Variants in ABI1 observed in about 807,000 individuals in gnomAD.
The protein encoded by ABI1 is abl interactor 1, also known as Abelson interactor 1.
Under a neutral mutation model 54.6 loss-of-function variants are expected in ABI1, and 14 were observed. The observed-to-expected ratio is 0.26, with a 90% CI of 0.17 to 0.40. The LOEUF is 0.40. ABI1 is among the 10% of genes least tolerant of loss of function. The probability of loss-of-function intolerance (pLI) is 1.00; values close to 1 mark genes in which losing one functional copy is unlikely to be tolerated. For missense variants in ABI1, 443 were observed against 598.3 expected (o/e 0.74, Z 2.71); for synonymous variants, 194 against 209.3 (o/e 0.93, Z 0.63).
At chr10:26,801,779 A>T (rs569483031) in intron 2 of ABI1, among the ~76,000 whole-genome samples, 18 of 152,348 alleles carry the variant, frequency 1.2e-4, no homozygotes, top group African/African-American at 4.3e-4. Flanking sequence ...AGATGATGTG[A>T]TTATCCTTCC....
chr10:26,806,165 C>T (rs1195879987), intron 2 of ABI1, among the ~76,000 whole-genome samples: 2 of 152,140 alleles, frequency 1.3e-5, no homozygotes, highest in South Asian at 2.1e-4. Context: ...TTCATTCTAC[C>T]CTCCTGATCC....
At chr10:26,759,009 T>A in intron 8 of ABI1, 53 bp downstream of exon 8, 2 of 1,495,796 alleles carry the variant, frequency 1.3e-6, no homozygotes, top group Non-Finnish European at 1.8e-6. Flanking sequence ...TTCAAATAAT[T>A]TCCTTCAAAA....
At chr10:26,763,921 G>A in intron 7 of ABI1, 28 of 1,613,262 alleles carry the variant, frequency 1.7e-5, no homozygotes, top group Non-Finnish European at 2.4e-5. Flanking sequence ...CAGAGGTGGT[G>A]CTGGTGGAGC....
chr10:26,840,425 C>A (rs1327421214), intron 1 of ABI1, among the ~76,000 whole-genome samples: 2 of 152,174 alleles, frequency 1.3e-5, no homozygotes, highest in African/African-American at 4.8e-5. Flanking sequence ...AATTACCCAG[C>A]CTGAAGTATT....
At chr10:26,822,302 T>C (rs2048032121) in intron 2 of ABI1, among the ~76,000 whole-genome samples, 1 of 152,142 alleles carries the variant, frequency 6.6e-6, no homozygotes, top group Admixed American at 6.5e-5. Flanking sequence ...GAAAAACAAT[T>C]TGGTAGGTTC....
At chr10:26,845,855 A>G (rs530617589) in intron 1 of ABI1, among the ~76,000 whole-genome samples, 2 of 152,114 alleles carry the variant, frequency 1.3e-5, no homozygotes, top group South Asian at 4.2e-4. Context: ...AGATTTTAGA[A>G]AAAATGGACA....
At chr10:26,788,043 T>A (rs555975328) in intron 2 of ABI1, among the ~76,000 whole-genome samples, 33 of 152,250 alleles carry the variant, frequency 2.2e-4, no homozygotes, top group Non-Finnish European at 3.8e-4. Flanking sequence ...ACTCCCATAA[T>A]TCTCACGTGT....
At position 26,779,389 on chromosome 10, in the gene ABI1, C is replaced by G. The variant is rs982595454; in HGVS notation, c.286-2148G>C. ...TGATGCCTTGGTTATTGTCAACACTCCTGCAGATAGGAGGACTTCCTTATC... is the reference window on the plus strand; with the variant it reads ...TGATGCCTTGGTTATTGTCAACACTGCTGCAGATAGGAGGACTTCCTTATC... On this transcript the variant is annotated intron_variant, in intron 2 of 10. Coordinates refer to ENST00000376140, the MANE Select transcript of ABI1 (RefSeq NM_001012750.3). Among the ~76,000 whole-genome samples the G allele has an allele frequency of 3.9e-5, 6 of 152,162 alleles. No individual in the cohort carries two copies. In the East Asian group the frequency reaches 1.2e-3, roughly 29 times the overall value.
intron 2 of ABI1, among the ~76,000 whole-genome samples, chr10:26,820,668 A>C (rs1013053161): frequency 6.6e-6 from 1 of 150,986 alleles, no homozygotes; most frequent in Non-Finnish European, 1.5e-5. Context: ...GCTCACTGCA[A>C]CCTCCGCCTC....
At position 26,793,095 on chromosome 10, in the gene ABI1, G is replaced by C. The variant is rs77542203; in HGVS notation, c.286-15854C>G. 2.6e-3 allele frequency among the ~76,000 whole-genome samples: 400 copies of C among 152,300 alleles called. 1 individual carries two copies. The highest frequency in any genetic ancestry group is 9.4e-3 in the African/African-American group (389 of 41,560). On this transcript the variant is annotated intron_variant, in intron 2 of 10. Coordinates refer to ENST00000376140, the MANE Select transcript of ABI1 (RefSeq NM_001012750.3). ...AAGGGCATTATAGGTTTTAAGCAAA[G>C]AACCTTGTACATAAGTAAAAACACA...
intron 7 of ABI1, among the ~76,000 whole-genome samples, chr10:26,761,780 A>G (rs1180794241): frequency 1.3e-5 from 2 of 150,870 alleles, no homozygotes; most frequent in Non-Finnish European, 3.0e-5. Flanking sequence ...CCTTGATAAT[A>G]TTTTCAAAAA....
intron 1 of ABI1, among the ~76,000 whole-genome samples, chr10:26,834,018 C>T (rs2048858694): frequency 6.6e-6 from 1 of 152,092 alleles, no homozygotes; most frequent in Non-Finnish European, 1.5e-5. Context: ...CACCTGAGGT[C>T]AGGAGTTTTG....
chr10:26,772,398 T>A (rs1840803096), intron 3 of ABI1, among the ~76,000 whole-genome samples: 1 of 152,090 alleles, frequency 6.6e-6, no homozygotes, highest in Non-Finnish European at 1.5e-5. Flanking sequence ...TATCCTAAAA[T>A]AACCAAGAAA....
At chr10:26,765,432 G>T in intron 6 of ABI1, 114 bp from the exon 7 acceptor site, 1 of 760,404 alleles carries the variant, frequency 1.3e-6, no homozygotes, top group Non-Finnish European at 2.1e-6. Flanking sequence ...TCATCCCTCA[G>T]TATCCTTGGA....
At chr10:26,764,010 A>C (rs1839579918) in intron 7 of ABI1, 5 of 1,384,020 alleles carry the variant, frequency 3.6e-6, no homozygotes, top group Non-Finnish European at 5.0e-6. Flanking sequence ...AAGAAAACTC[A>C]ACATTTTGAA....
chr10:26,855,973 A>G (rs1415907720), intron 1 of ABI1, among the ~76,000 whole-genome samples: 12 of 70,358 alleles, frequency 1.7e-4, no homozygotes, highest in Admixed American at 3.8e-4. Flanking sequence ...TCCATCTCAA[A>G]AAAAAAAAAA....
rs533798518 is a variant in ABI1, at chr10:26,808,890, G to A, written c.285+14248C>T. On this transcript the variant is annotated intron_variant, in intron 2 of 10. Transcript: ENST00000376140. Reference sequence around the variant, plus strand: ...AAAGGAGTAGGGGAGAAGGGGGAAAGGTAATAAAGGACGGGGAGACAGACA... The same window carrying A: ...AAAGGAGTAGGGGAGAAGGGGGAAAAGTAATAAAGGACGGGGAGACAGACA... Among the ~76,000 whole-genome samples, 23 of 152,122 alleles carry A rather than the reference G, an allele frequency of 1.5e-4. No homozygotes were observed. In the South Asian group the frequency reaches 4.2e-3, roughly 28 times the overall value.
chr10:26,778,618 C>A (rs1249988047), intron 2 of ABI1, among the ~76,000 whole-genome samples: 2 of 152,018 alleles, frequency 1.3e-5, no homozygotes, highest in Admixed American at 1.3e-4. Flanking sequence ...AACTTCTAAT[C>A]AAAAATGCTA....
At chr10:26,841,751 T>A (rs1201656420) in intron 1 of ABI1, among the ~76,000 whole-genome samples, 1 of 152,164 alleles carries the variant, frequency 6.6e-6, no homozygotes, top group Non-Finnish European at 1.5e-5. Flanking sequence ...TCATCCATGT[T>A]GTGGCAAATG....
Sources: gnomAD v4.1 joint callset for allele counts (sites outside exome capture counted in the v4.1 genomes callset) on GRCh38, gnomAD v4.1.1 for gene constraint, MANE v1.5 for transcripts, NCBI Gene and HGNC (gene_info 2026-07-23, HGNC 2026-07-21) for gene names.